Variants in MIR2052HG observed in about 807,000 individuals in gnomAD.
MIR2052HG encodes the protein MIR2052 host gene.
chr8:74,647,204 G>A (rs1187633150), intron 2 of MIR2052HG, among the ~76,000 whole-genome samples: 3 of 152,190 alleles, frequency 2.0e-5, no homozygotes, highest in South Asian at 2.1e-4. Flanking sequence ...TACACACATG[G>A]TATTTCAGCA....
intron 4 of MIR2052HG, among the ~76,000 whole-genome samples, chr8:74,734,087 T>C (rs1376635901): frequency 6.6e-6 from 1 of 152,230 alleles, no homozygotes; most frequent in East Asian, 1.9e-4. Context: ...CCTACTCATC[T>C]GACAAAGGGC....
At chr8:74,711,636 A>C (rs936199692) in intron 4 of MIR2052HG, among the ~76,000 whole-genome samples, 1 of 152,152 alleles carries the variant, frequency 6.6e-6, no homozygotes, top group African/African-American at 2.4e-5. Context: ...CTTCCTCCCA[A>C]ATGTAGTATC....
chr8:74,704,979 A>G (rs1420145588), intron 4 of MIR2052HG, among the ~76,000 whole-genome samples: 1 of 152,062 alleles, frequency 6.6e-6, no homozygotes, highest in Non-Finnish European at 1.5e-5. Context: ...ATAGGGCCAC[A>G]TCATTATTGA....
chr8:74,696,324 G>T (rs1809295913), intron 2 of MIR2052HG, among the ~76,000 whole-genome samples: 1 of 152,070 alleles, frequency 6.6e-6, no homozygotes. Flanking sequence ...AGCAAAGGCA[G>T]TACTAAGAGA....
At chr8:74,748,422 A>G (rs780042823) in intron 4 of MIR2052HG, among the ~76,000 whole-genome samples, 1 of 152,218 alleles carries the variant, frequency 6.6e-6, no homozygotes, top group Non-Finnish European at 1.5e-5. Flanking sequence ...CTTGTTGAAC[A>G]CCACTAGTGG....
chr8:74,682,316 T>C (rs1181304901), intron 2 of MIR2052HG, among the ~76,000 whole-genome samples: 1 of 152,146 alleles, frequency 6.6e-6, no homozygotes, highest in Admixed American at 6.6e-5. Flanking sequence ...GCTTTGAAAT[T>C]ATTAACTCTT....
chr8:74,733,578 G>C (rs549342115), intron 4 of MIR2052HG, among the ~76,000 whole-genome samples: 1 of 144,364 alleles, frequency 6.9e-6, no homozygotes, highest in Non-Finnish European at 1.5e-5. Flanking sequence ...ATGATTTATA[G>C]TCCTTTGGGT....
intron 2 of MIR2052HG, among the ~76,000 whole-genome samples, chr8:74,650,360 A>G (rs1296517191): frequency 6.6e-6 from 1 of 152,150 alleles, no homozygotes; most frequent in Non-Finnish European, 1.5e-5. Flanking sequence ...GTGTGTATCA[A>G]TAGTTTGTTC....
At chr8:74,652,312 A>G (rs1365038) in intron 2 of MIR2052HG, among the ~76,000 whole-genome samples, 61,612 of 152,016 alleles carry the variant, frequency 0.41, 13,306 homozygotes, top group East Asian at 0.66. Context: ...TGGACGTGAC[A>G]CATAATATTT....
At chr8:74,697,017 C>T (rs1809304847) in intron 2 of MIR2052HG, among the ~76,000 whole-genome samples, 1 of 151,822 alleles carries the variant, frequency 6.6e-6, no homozygotes, top group Non-Finnish European at 1.5e-5. Context: ...CAGGAAAGGA[C>T]ATAACAGAAA....
At position 74,743,118 on chromosome 8, in the gene MIR2052HG, A is replaced by G. The variant is rs868859043; in HGVS notation, n.372-9323A>G. The stretch of plus-strand genomic sequence containing the variant: ...ACACCAAAAAACAAAAAACAAAAAA[A>G]CAGCAAGGAGGCTTTTGGACACACG... On this transcript the variant is annotated intron_variant and non_coding_transcript_variant, in intron 4 of 6. Coordinates refer to ENST00000523442, the Ensembl canonical transcript of MIR2052HG. Among the ~76,000 whole-genome samples, 53 of 152,278 alleles carry G rather than the reference A, an allele frequency of 3.5e-4. 1 individual carries two copies. In the East Asian group the frequency reaches 9.1e-3, roughly 26 times the overall value.
At chr8:74,721,909 T>C (rs1809581451) in intron 4 of MIR2052HG, among the ~76,000 whole-genome samples, 2 of 152,164 alleles carry the variant, frequency 1.3e-5, no homozygotes, top group African/African-American at 2.4e-5. Context: ...AACCAGGGCA[T>C]TGGACAGGCA....
chr8:74,679,611 T>TA (rs1205932404), intron 2 of MIR2052HG, among the ~76,000 whole-genome samples: 1 of 151,474 alleles, frequency 6.6e-6, no homozygotes, highest in African/African-American at 2.4e-5. Context: ...CTGCAACCTC[T>TA]ACCTCCTGGG....
chr8:74,747,025 A>G (rs751194648), intron 4 of MIR2052HG, among the ~76,000 whole-genome samples: 2 of 152,146 alleles, frequency 1.3e-5, no homozygotes, highest in Non-Finnish European at 2.9e-5. Flanking sequence ...TGATTTGAGG[A>G]CACTGATCCA....
intron 3 of MIR2052HG, among the ~76,000 whole-genome samples, chr8:74,702,880 G>A (rs1057098497): frequency 9.9e-5 from 15 of 152,194 alleles, no homozygotes; most frequent in African/African-American, 3.6e-4. Context: ...AATTGATTGT[G>A]ATCGACTCAC....
At position 74,620,026 on chromosome 8, in the gene MIR2052HG, A is replaced by G. The variant is rs936453761; in HGVS notation, n.216+7086A>G. Reference sequence around the variant, plus strand: ...GGGGATACAGGTATTGGGTATAGCCATTCCAATGGGAGAAATTAACTAAAA... The same window carrying G: ...GGGGATACAGGTATTGGGTATAGCCGTTCCAATGGGAGAAATTAACTAAAA... On this transcript the variant is annotated intron_variant and non_coding_transcript_variant, in intron 2 of 6. Coordinates refer to ENST00000523442, the Ensembl canonical transcript of MIR2052HG. Among the ~76,000 whole-genome samples, 8 of 152,238 alleles carry G rather than the reference A, an allele frequency of 5.3e-5. No individual in the cohort carries two copies. The South Asian group carries it at 1.7e-3, about 32-fold the overall frequency.
intron 2 of MIR2052HG, among the ~76,000 whole-genome samples, chr8:74,686,594 T>G (rs1809183521): frequency 6.6e-6 from 1 of 152,094 alleles, no homozygotes; most frequent in South Asian, 2.1e-4. Flanking sequence ...TTGTGTCACC[T>G]TGGGTAAGTT....
intron 1 of MIR2052HG, among the ~76,000 whole-genome samples, chr8:74,605,620 A>G (rs1808099650): frequency 6.6e-6 from 1 of 152,252 alleles, no homozygotes; most frequent in Non-Finnish European, 1.5e-5. Flanking sequence ...CGATGAGGAA[A>G]TTAGCTGCAA....
chr8:74,695,965 C>T (rs973691774), intron 2 of MIR2052HG, among the ~76,000 whole-genome samples: 4 of 152,068 alleles, frequency 2.6e-5, no homozygotes, highest in African/African-American at 9.7e-5. Context: ...TACCCTAGAA[C>T]AAATTAACTT....
Sources: gnomAD v4.1 joint callset for allele counts (sites outside exome capture counted in the v4.1 genomes callset) on GRCh38, gnomAD v4.1.1 for gene constraint, MANE v1.5 for transcripts, NCBI Gene and HGNC (gene_info 2026-07-23, HGNC 2026-07-21) for gene names.